The following STK3 variants were observed in gnomAD, a reference collection of about 807,000 sequenced individuals.
The protein encoded by STK3 is serine/threonine kinase 3.
STK3 carries 41 observed loss-of-function variants against 58.0 expected under a neutral mutation model. The observed-to-expected ratio is 0.71, with a 90% CI of 0.55 to 0.92. STK3 has a LOEUF of 0.92. Ranked by LOEUF, STK3 falls within the 40% of genes least tolerant of loss-of-function variation. The pLI is 0.00. For synonymous variants in STK3, 170 were observed against 191.0 expected (o/e 0.89, Z 0.91); for missense variants, 479 against 602.7 (o/e 0.79, Z 2.15).
intron 1 of STK3, among the ~76,000 whole-genome samples, chr8:98,937,639 T>C (rs1461424429): frequency 6.6e-6 from 1 of 152,236 alleles, no homozygotes; most frequent in African/African-American, 2.4e-5. Context: ...TCTTACCTGG[T>C]ACATAGTAGA....
At chr8:98,881,617 G>A (rs1356741648), downstream of STK3, 2 of 152,192 alleles carry the variant, frequency 1.3e-5, no homozygotes, top group Admixed American at 1.3e-4. Context: ...ATGTTGGGAG[G>A]GGGAGAAACA....
intron 1 of STK3, among the ~76,000 whole-genome samples, chr8:98,797,259 G>A (rs902625252): frequency 6.6e-6 from 1 of 152,214 alleles, no homozygotes; most frequent in Non-Finnish European, 1.5e-5. Context: ...AGGGCAGACA[G>A]CTTTTGCTTC....
At chr8:98,821,640 C>T (rs946891451) in intron 1 of STK3, among the ~76,000 whole-genome samples, 1 of 142,468 alleles carries the variant, frequency 7.0e-6, no homozygotes, top group African/African-American at 2.6e-5. Flanking sequence ...CCAGCCAGGG[C>T]GATAGAGTAA....
intron 1 of STK3, among the ~76,000 whole-genome samples, chr8:98,923,690 A>T (rs1839659075): frequency 6.6e-6 from 1 of 152,090 alleles, no homozygotes; most frequent in African/African-American, 2.4e-5. Flanking sequence ...TATAAATAAG[A>T]TGGAATACCC....
At chr8:98,933,729 C>T (rs1421347905) in intron 1 of STK3, among the ~76,000 whole-genome samples, 3 of 152,228 alleles carry the variant, frequency 2.0e-5, no homozygotes, top group Non-Finnish European at 2.9e-5. Flanking sequence ...TCAAACTTGC[C>T]CCAAGCCAAG....
chr8:98,660,781 T>C (rs1258718191), intron 6 of STK3, among the ~76,000 whole-genome samples: 1 of 152,062 alleles, frequency 6.6e-6, no homozygotes, highest in Admixed American at 6.6e-5. Context: ...TATTTGTCAG[T>C]CAAGATATCA....
At chr8:98,551,836 T>C (rs1054308185) in intron 8 of STK3, among the ~76,000 whole-genome samples, 1 of 152,136 alleles carries the variant, frequency 6.6e-6, no homozygotes, top group Admixed American at 6.6e-5. Flanking sequence ...CTTTGCTATT[T>C]AGGTTGACAC....
chr8:98,438,537 GC>G (rs1479236662), intron 1 of STK3: 1 of 152,256 alleles, frequency 6.6e-6, no homozygotes. Flanking sequence ...TGTGCTGGCT[GC>G]CCTAGCCCTC....
chr8:98,524,885 T>C (rs1027266453), intron 10 of STK3, among the ~76,000 whole-genome samples: 3 of 152,280 alleles, frequency 2.0e-5, no homozygotes, highest in Non-Finnish European at 2.9e-5. Context: ...GACAAACTAT[T>C]AACCTACAAA....
intron 3 of STK3, chr8:98,427,113 G>T (rs1361584406): frequency 2.7e-5 from 4 of 150,302 alleles, no homozygotes; most frequent in African/African-American, 9.7e-5. Flanking sequence ...GCGGGACCAC[G>T]CAGCCACCTG....
chr8:98,509,096 C>T (rs1824308854), intron 10 of STK3, among the ~76,000 whole-genome samples: 1 of 151,900 alleles, frequency 6.6e-6, no homozygotes, highest in African/African-American at 2.4e-5. Flanking sequence ...ATCTAACCTG[C>T]TAGAGATTCA....
chr8:98,819,055 C>T (rs1834730527), intron 1 of STK3, among the ~76,000 whole-genome samples: 2 of 152,274 alleles, frequency 1.3e-5, no homozygotes, highest in South Asian at 4.1e-4. Flanking sequence ...GATCTCCTGA[C>T]CTCATGATCT....
At position 98,767,376 on chromosome 8, in the gene STK3, A is replaced by AAG. The variant is rs781682549; in HGVS notation, c.108-7_108-6dup. 9 of 1,584,848 alleles carry AAG rather than the reference A, an allele frequency of 5.7e-6. No individual in the cohort carries two copies. In the African/African-American group the frequency reaches 1.2e-4, roughly 22 times the overall value. ...TTAAATACACTTCCATAAGACCTAA[A>AAG]AGAAACCAAGACATTATTTTTTTCC... On this transcript the variant is annotated splice_polypyrimidine_tract_variant and splice_region_variant and intron_variant, in intron 2 of 10. Transcript: ENST00000419617.
At chr8:98,493,381 C>T (rs919878066) in intron 10 of STK3, among the ~76,000 whole-genome samples, 5 of 152,090 alleles carry the variant, frequency 3.3e-5, no homozygotes, top group Non-Finnish European at 5.9e-5. Context: ...TTCTTCCCTC[C>T]TTGATTCACT....
chr8:98,738,247 T>A (rs951879788), intron 4 of STK3, among the ~76,000 whole-genome samples: 1 of 151,970 alleles, frequency 6.6e-6, no homozygotes, highest in African/African-American at 2.4e-5. Flanking sequence ...GATGACCGGG[T>A]GGATCACCCC....
At chr8:98,608,062 T>C (rs577915835) in intron 6 of STK3, among the ~76,000 whole-genome samples, 35 of 152,280 alleles carry the variant, frequency 2.3e-4, no homozygotes, top group African/African-American at 6.7e-4. Context: ...AATACTGGAA[T>C]TAATCTTTAG....
intron 1 of STK3, among the ~76,000 whole-genome samples, chr8:98,779,240 G>C (rs1390467264): frequency 2.0e-5 from 3 of 152,058 alleles, no homozygotes; most frequent in Admixed American, 6.5e-5. Context: ...TGTTCCTGTT[G>C]TTTAAAAGCT....
intron 10 of STK3, among the ~76,000 whole-genome samples, chr8:98,497,079 G>A (rs534762578): frequency 3.9e-4 from 60 of 152,104 alleles, no homozygotes; most frequent in Non-Finnish European, 6.8e-4. Context: ...TCAAGACAGT[G>A]TGGTAGTGGC....
intron 4 of STK3, among the ~76,000 whole-genome samples, chr8:98,735,239 C>T (rs1220901896): frequency 1.3e-5 from 2 of 152,034 alleles, no homozygotes; most frequent in Non-Finnish European, 1.5e-5. Flanking sequence ...CTTGTAGGTG[C>T]CAAAAGCTAT....
Sources: gnomAD v4.1 joint callset for allele counts (sites outside exome capture counted in the v4.1 genomes callset) on GRCh38, gnomAD v4.1.1 for gene constraint, MANE v1.5 for transcripts, NCBI Gene and HGNC (gene_info 2026-07-23, HGNC 2026-07-21) for gene names.